The following SPATA17 variants were observed in gnomAD, a reference collection of about 807,000 sequenced individuals.
The protein encoded by SPATA17 is spermatogenesis-associated protein 17.
A neutral mutation model predicts 62.2 loss-of-function variants in SPATA17; 53 were observed. The observed-to-expected ratio is 0.85, with a 90% confidence interval of 0.68 to 1.07. The LOEUF (loss-of-function observed/expected upper bound fraction) is 1.07. Among genes scored for constraint, SPATA17 ranks in the 50% least tolerant of loss-of-function variants. The probability of loss-of-function intolerance (pLI) is 0.00; values close to 1 mark genes in which losing one functional copy is unlikely to be tolerated. For synonymous variants in SPATA17, 146 were observed against 146.8 expected (o/e 0.99, Z 0.04); for missense variants, 466 against 425.5 (o/e 1.10, Z -0.84).
intron 6 of SPATA17, among the ~76,000 whole-genome samples, 181 bp from the exon 7 acceptor site, chr1:217,774,153 G>A (rs6604560): frequency 0.77 from 116,971 of 152,130 alleles, 45,350 homozygotes; most frequent in Non-Finnish European, 0.81. Context: ...TCTAGAGTAA[G>A]GACAAGTATG....
chr1:217,754,276 G>A (rs549395765), intron 6 of SPATA17, among the ~76,000 whole-genome samples: 1 of 152,244 alleles, frequency 6.6e-6, no homozygotes, highest in Non-Finnish European at 1.5e-5. Flanking sequence ...TACAGTTATT[G>A]TCAAGTTAAT....
intron 5 of SPATA17, among the ~76,000 whole-genome samples, chr1:217,708,771 C>T (rs1671794131): frequency 6.6e-6 from 1 of 151,692 alleles, no homozygotes. Flanking sequence ...AACATAGATG[C>T]AAAAATCCCC....
At chr1:217,633,187 G>T (rs147953339) in intron 1 of SPATA17, among the ~76,000 whole-genome samples, 2 of 143,518 alleles carry the variant, frequency 1.4e-5, no homozygotes, top group South Asian at 2.3e-4. Flanking sequence ...GACAGAGCAA[G>T]ACTCTGTCTC....
intron 8 of SPATA17, among the ~76,000 whole-genome samples, chr1:217,785,665 A>G (rs1248359312): frequency 6.6e-6 from 1 of 152,180 alleles, no homozygotes. Context: ...AAATAAGGTA[A>G]CATGTTGAGG....
Position 217,704,275 on chromosome 1 carries a change from G to T in SPATA17, c.395+20914G>T, listed in dbSNP as rs951201617. ...TTTTTTTTTTTTGAGACGGAGTCTC[G>T]CTCTGTCGCCCAGGCCGGACTGCGG... On this transcript the variant is annotated intron_variant, in intron 5 of 10. Transcript: ENST00000366933. Among the ~76,000 whole-genome samples, 7 of 106,986 alleles carry T rather than the reference G, an allele frequency of 6.5e-5. No homozygotes were observed. The East Asian group carries it at 1.2e-3, about 18-fold the overall frequency. 70.2% of individuals were successfully genotyped at this position (106,986 alleles called of 152,430 possible).
chr1:217,671,197 A>G (rs1433012411), intron 4 of SPATA17, among the ~76,000 whole-genome samples: 1 of 152,106 alleles, frequency 6.6e-6, no homozygotes, highest in Non-Finnish European at 1.5e-5. Flanking sequence ...ACTAATTGGA[A>G]CAAAATGTTT....
chr1:217,794,128 A>G (rs541661854), intron 8 of SPATA17, among the ~76,000 whole-genome samples: 46 of 151,804 alleles, frequency 3.0e-4, no homozygotes, highest in Middle Eastern at 3.4e-3. Context: ...AAAAAAAAAA[A>G]AAAGAAAGAA....
intron 9 of SPATA17, among the ~76,000 whole-genome samples, chr1:217,806,298 T>C (rs1194278287): frequency 6.6e-6 from 1 of 152,168 alleles, no homozygotes; most frequent in Non-Finnish European, 1.5e-5. Context: ...CCTGCCCACA[T>C]AGCTCCGTGT....
intron 6 of SPATA17, among the ~76,000 whole-genome samples, chr1:217,758,775 C>T (rs1488388024): frequency 6.6e-6 from 1 of 152,132 alleles, no homozygotes; most frequent in African/African-American, 2.4e-5. Flanking sequence ...AATCAATTGA[C>T]TTGAGATCTC....
chr1:217,843,606 G>A (rs73099219), intron 9 of SPATA17, among the ~76,000 whole-genome samples: 1 of 151,954 alleles, frequency 6.6e-6, no homozygotes, highest in Non-Finnish European at 1.5e-5. Context: ...TGAACCAGGG[G>A]TCAGCAAACT....
At position 217,631,354 on chromosome 1, in the gene SPATA17, G is replaced by A. The variant is rs781683510; in HGVS notation, c.-25G>A. On this transcript the variant is annotated 5_prime_UTR_variant, in exon 1 of 11. Coordinates refer to ENST00000366933, the MANE Select transcript of SPATA17 (RefSeq NM_138796.4). ...ACCATGGAGACCGGTAGTAACACCA[G>A]TTGTAAACCCAAGGCCAAGAGACCA... The A allele has an allele frequency of 6.2e-7, 1 of 1,614,092 alleles. No homozygotes were observed. The highest frequency in any genetic ancestry group is 8.5e-7 in the Non-Finnish European group (1 of 1,179,970).
intron 9 of SPATA17, among the ~76,000 whole-genome samples, chr1:217,855,947 G>A (rs945790981): frequency 2.6e-5 from 4 of 151,906 alleles, no homozygotes; most frequent in Non-Finnish European, 4.4e-5. Flanking sequence ...GGATGGTCTC[G>A]ATCCCTTGAC....
At chr1:217,663,040 T>C (rs1051769482) in intron 3 of SPATA17, among the ~76,000 whole-genome samples, 2 of 152,192 alleles carry the variant, frequency 1.3e-5, no homozygotes, top group South Asian at 4.1e-4. Context: ...ATAATTATAA[T>C]ATAAGTTTAG....
chr1:217,777,450 G>A (rs1389569953), intron 7 of SPATA17, among the ~76,000 whole-genome samples: 1 of 152,004 alleles, frequency 6.6e-6, no homozygotes, highest in African/African-American at 2.4e-5. Context: ...TGCCCATGCT[G>A]GAGTGCAGTG....
At chr1:217,635,030 G>A (rs1669906127) in intron 1 of SPATA17, among the ~76,000 whole-genome samples, 1 of 152,090 alleles carries the variant, frequency 6.6e-6, no homozygotes, top group South Asian at 2.1e-4. Flanking sequence ...ACACTACACT[G>A]TACTTTGTGG....
chr1:217,742,186 C>A, intron 6 of SPATA17, 88 bp downstream of exon 6: 1 of 1,502,684 alleles, frequency 6.7e-7, no homozygotes, highest in Non-Finnish European at 9.1e-7. Flanking sequence ...TGGGACATGA[C>A]TTGTTGAAAA....
chr1:217,790,270 A>G (rs1380033076), intron 8 of SPATA17, among the ~76,000 whole-genome samples: 1 of 152,156 alleles, frequency 6.6e-6, no homozygotes, highest in African/African-American at 2.4e-5. Flanking sequence ...TAGCTCCTAC[A>G]GGGAAATAAA....
chr1:217,838,816 C>A (rs1205943668), intron 9 of SPATA17, among the ~76,000 whole-genome samples: 1 of 152,094 alleles, frequency 6.6e-6, no homozygotes, highest in East Asian at 1.9e-4. Flanking sequence ...AAGTAGCTTT[C>A]TAGGTTGGTT....
chr1:217,637,207 CAAT>C (rs1164073603), intron 1 of SPATA17, among the ~76,000 whole-genome samples: 2 of 152,088 alleles, frequency 1.3e-5, no homozygotes, highest in East Asian at 1.9e-4. Context: ...TTGATGTTTA[CAAT>C]AATCTTATAA....
Sources: gnomAD v4.1 joint callset for allele counts (sites outside exome capture counted in the v4.1 genomes callset) on GRCh38, gnomAD v4.1.1 for gene constraint, MANE v1.5 for transcripts, NCBI Gene and HGNC (gene_info 2026-07-23, HGNC 2026-07-21) for gene names.